MAGI2: variants seen among roughly 807,000 people sequenced by gnomAD.
MAGI2 encodes membrane associated guanylate kinase, WW and PDZ domain containing 2, also known as membrane-associated guanylate kinase, WW and PDZ domain-containing protein 2.
MAGI2 carries 35 observed loss-of-function variants against 133.3 expected under a neutral mutation model. That is an observed-to-expected ratio of 0.26 (90% CI 0.20 to 0.35). MAGI2 has a LOEUF of 0.35. Among genes scored for constraint, MAGI2 ranks in the 10% least tolerant of loss-of-function variants. The pLI, the probability that MAGI2 is intolerant of heterozygous loss-of-function variation, is 1.00. For missense variants in MAGI2, 1,636 were observed against 1,863.4 expected (o/e 0.88, Z 2.25); for synonymous variants, 729 against 710.6 (o/e 1.03, Z -0.41).
chr7:78,142,957 T>C (rs1042643284), intron 16 of MAGI2, among the ~76,000 whole-genome samples: 1 of 152,204 alleles, frequency 6.6e-6, no homozygotes, highest in African/African-American at 2.4e-5. Flanking sequence ...TTGACCTGTT[T>C]GGGTCTGAAT....
chr7:79,119,314 A>G (rs1584970999), intron 1 of MAGI2, among the ~76,000 whole-genome samples: 1 of 152,114 alleles, frequency 6.6e-6, no homozygotes, highest in African/African-American at 2.4e-5. Context: ...CAGCATTTCA[A>G]AGCAACGGTA....
intron 2 of MAGI2, among the ~76,000 whole-genome samples, chr7:78,786,150 C>CA (rs1255342312): frequency 2.0e-5 from 3 of 151,316 alleles, no homozygotes; most frequent in Non-Finnish European, 4.4e-5. Flanking sequence ...AAAAAAAAAA[C>CA]AAAAAAACCT....
chr7:78,361,286 T>C (rs1792766152), intron 7 of MAGI2, among the ~76,000 whole-genome samples: 1 of 150,390 alleles, frequency 6.6e-6, no homozygotes, highest in African/African-American at 2.5e-5. Flanking sequence ...CCCAGCTACT[T>C]GGGGGGCTGA....
intron 6 of MAGI2, among the ~76,000 whole-genome samples, chr7:78,477,963 G>T (rs566703049): frequency 6.6e-6 from 1 of 151,512 alleles, no homozygotes; most frequent in Non-Finnish European, 1.5e-5. Context: ...TGGGGTACAC[G>T]TGCAGAACGT....
At chr7:78,459,374 G>A (rs779635331) in intron 6 of MAGI2, among the ~76,000 whole-genome samples, 17 of 152,152 alleles carry the variant, frequency 1.1e-4, no homozygotes, top group African/African-American at 4.1e-4. Flanking sequence ...GTATTAACAC[G>A]TTTATGGCTC....
At chr7:78,879,696 C>A (rs930965083) in intron 2 of MAGI2, among the ~76,000 whole-genome samples, 1 of 151,818 alleles carries the variant, frequency 6.6e-6, no homozygotes, top group Non-Finnish European at 1.5e-5. Context: ...GTGACATGAC[C>A]AAAGGATCAT....
intron 3 of MAGI2, among the ~76,000 whole-genome samples, chr7:78,573,851 C>G (rs1054291319): frequency 6.6e-6 from 1 of 152,020 alleles, no homozygotes; most frequent in African/African-American, 2.4e-5. Context: ...ATAGAAGAAT[C>G]CTCCAGTTTC....
chr7:78,495,931 T>C (rs1794050623), intron 5 of MAGI2, among the ~76,000 whole-genome samples: 1 of 152,174 alleles, frequency 6.6e-6, no homozygotes, highest in African/African-American at 2.4e-5. Context: ...CTTTGTAATA[T>C]GATTGACAGT....
At chr7:78,506,632 A>G (rs1795113947) in intron 4 of MAGI2, among the ~76,000 whole-genome samples, 2 of 152,224 alleles carry the variant, frequency 1.3e-5, no homozygotes, top group Admixed American at 1.3e-4. Flanking sequence ...TGTTGAAGAC[A>G]AGACACTTAA....
chr7:79,335,973 C>G (rs11978946), intron 1 of MAGI2, among the ~76,000 whole-genome samples: 2,061 of 152,182 alleles, frequency 0.014, 35 homozygotes, highest in African/African-American at 0.047. Flanking sequence ...CTGTTCACCA[C>G]TTTCTTTCAG....
At chr7:78,281,572 T>C (rs1584700633) in intron 9 of MAGI2, among the ~76,000 whole-genome samples, 2 of 152,146 alleles carry the variant, frequency 1.3e-5, no homozygotes, top group Non-Finnish European at 2.9e-5. Flanking sequence ...CTTCTTTCCT[T>C]TAGAAATTAC....
chr7:79,125,375 A>G (rs1461575977), intron 1 of MAGI2: 10 of 480,432 alleles, frequency 2.1e-5, no homozygotes, highest in Non-Finnish European at 4.1e-5. Flanking sequence ...GGGAATGACA[A>G]CTTTGGTCAT....
chr7:79,101,550 C>G (rs368855848), intron 1 of MAGI2, among the ~76,000 whole-genome samples: 1 of 151,800 alleles, frequency 6.6e-6, no homozygotes. Flanking sequence ...CGGTGAAACC[C>G]CGTCTCCACT....
chr7:78,851,453 T>C (rs1793133072), intron 2 of MAGI2, among the ~76,000 whole-genome samples: 1 of 152,012 alleles, frequency 6.6e-6, no homozygotes. Context: ...AACATAACAA[T>C]AAAACAAGCA....
chr7:78,373,630 T>C (rs1794152686), intron 6 of MAGI2, among the ~76,000 whole-genome samples: 1 of 152,162 alleles, frequency 6.6e-6, no homozygotes, highest in Non-Finnish European at 1.5e-5. Flanking sequence ...GTGGGGTGCA[T>C]GTGCAGGTGT....
intron 10 of MAGI2, among the ~76,000 whole-genome samples, chr7:78,242,271 A>T (rs997734420): frequency 6.6e-6 from 1 of 152,194 alleles, no homozygotes; most frequent in Admixed American, 6.5e-5. Flanking sequence ...AGTTAGAGAG[A>T]GGACCCAGAG....
chr7:78,070,454 GTGTGTGTATATA>G (rs1343642509), intron 21 of MAGI2, among the ~76,000 whole-genome samples: 2 of 146,902 alleles, frequency 1.4e-5, no homozygotes, highest in Admixed American at 6.8e-5. Flanking sequence ...GTATATATAT[GTGTGTGTATATA>G]TGTGTGTATA....
intron 2 of MAGI2, among the ~76,000 whole-genome samples, chr7:78,762,800 G>T (rs997318892): frequency 6.6e-6 from 1 of 152,188 alleles, no homozygotes; most frequent in Non-Finnish European, 1.5e-5. Flanking sequence ...TCCAGGCAGT[G>T]ACCTTCAAAG....
intron 9 of MAGI2, among the ~76,000 whole-genome samples, chr7:78,266,647 A>G (rs1034688809): frequency 2.6e-5 from 4 of 151,562 alleles, no homozygotes; most frequent in African/African-American, 9.7e-5. Context: ...GCATGATCTC[A>G]GCTTACTGCA....
Sources: gnomAD v4.1 joint callset for allele counts (sites outside exome capture counted in the v4.1 genomes callset) on GRCh38, gnomAD v4.1.1 for gene constraint, MANE v1.5 for transcripts, NCBI Gene and HGNC (gene_info 2026-07-23, HGNC 2026-07-21) for gene names.